Variants in VPS33A observed in about 807,000 individuals in gnomAD.
VPS33A encodes the protein vacuolar protein sorting-associated protein 33A.
Under a neutral mutation model 71.8 loss-of-function variants are expected in VPS33A, and 32 were observed. That is an observed-to-expected ratio of 0.45 (90% CI 0.34 to 0.60). The LOEUF (loss-of-function observed/expected upper bound fraction) is 0.60, where lower values mean the gene tolerates loss of function less well. VPS33A is among the 20% of genes least tolerant of loss of function. VPS33A has a pLI of 0.02. For missense variants in VPS33A, 625 were observed against 748.5 expected (o/e 0.84, Z 1.92); for synonymous variants, 311 against 292.7 (o/e 1.06, Z -0.64).
chr12:122,237,278 A>G (rs186189421), intron 10 of VPS33A, among the ~76,000 whole-genome samples: 91 of 152,296 alleles, frequency 6.0e-4, no homozygotes, highest in African/African-American at 1.7e-3. Context: ...CCTCCGTGGT[A>G]TAACTGCGGA....
intron 9 of VPS33A, among the ~76,000 whole-genome samples, chr12:122,239,099 A>G (rs962488253): frequency 2.0e-5 from 3 of 152,160 alleles, no homozygotes; most frequent in Non-Finnish European, 4.4e-5. Context: ...GCCTGTCTGG[A>G]CACGTCTGTC....
At chr12:122,250,729 G>A (rs1309922571) in intron 5 of VPS33A, among the ~76,000 whole-genome samples, 1 of 152,166 alleles carries the variant, frequency 6.6e-6, no homozygotes, top group Non-Finnish European at 1.5e-5. Flanking sequence ...ATGGGAAGGT[G>A]GAGTGTCAGC....
intron 4 of VPS33A, among the ~76,000 whole-genome samples, chr12:122,256,662 A>C (rs1255313808): frequency 1.3e-5 from 2 of 152,156 alleles, no homozygotes; most frequent in East Asian, 3.8e-4. Context: ...TAAATCAAAG[A>C]AACATGGGTA....
chr12:122,264,911 G>A (rs1298660879), intron 1 of VPS33A: 1 of 151,158 alleles, frequency 6.6e-6, no homozygotes, highest in Admixed American at 6.6e-5. Context: ...CTACAATATA[G>A]GTATTACAAA....
intron 4 of VPS33A, among the ~76,000 whole-genome samples, chr12:122,254,666 C>T (rs973703928): frequency 6.6e-6 from 1 of 152,176 alleles, no homozygotes; most frequent in East Asian, 1.9e-4. Flanking sequence ...CCACCTCAGC[C>T]TCCCAAAGTG....
intron 1 of VPS33A, chr12:122,265,623 G>A: frequency 2.6e-6 from 1 of 384,732 alleles, no homozygotes; most frequent in South Asian, 1.7e-5. Context: ...AAGGCTGCTA[G>A]CACCCACTTT....
intron 1 of VPS33A, chr12:122,264,824 T>C (rs1206139054): frequency 6.6e-6 from 1 of 152,220 alleles, no homozygotes; most frequent in African/African-American, 2.4e-5. Flanking sequence ...AAGAAGGAAT[T>C]TTAGTTGTTG....
Position 122,237,539 on chromosome 12 carries a change from T to C in VPS33A, c.1302+1048A>G, listed in dbSNP as rs902655133. Among the ~76,000 whole-genome samples, 358 of 144,570 alleles carry C rather than the reference T, an allele frequency of 2.5e-3. 2 individuals are homozygous for C. The highest frequency in any genetic ancestry group is 3.9e-3 in the Non-Finnish European group (258 of 66,578). The allele number at this position is 144,570 out of a possible 152,430, so 94.8% of individuals were successfully genotyped here. ...TGAATGCACATAAAGTTTTTCTTTT[T>C]TTTTTTTTTTTTTTTGAGACGGAGT... On this transcript the variant is annotated intron_variant, in intron 10 of 12. Coordinates refer to ENST00000267199, the MANE Select transcript of VPS33A (RefSeq NM_022916.6).
intron 12 of VPS33A, 53 bp from the exon 13 acceptor site, chr12:122,232,480 TC>T: frequency 6.7e-7 from 1 of 1,486,556 alleles, no homozygotes; most frequent in South Asian, 1.3e-5. Context: ...ATGCTTCTCT[TC>T]CCACCTCTTC....
At chr12:122,240,475 T>C (rs1954699427) in intron 8 of VPS33A, among the ~76,000 whole-genome samples, 1 of 152,202 alleles carries the variant, frequency 6.6e-6, no homozygotes, top group Non-Finnish European at 1.5e-5. Flanking sequence ...GTGCACTCTT[T>C]TGTATCCTTA....
At chr12:122,239,569 T>C (rs375854087) in intron 9 of VPS33A, among the ~76,000 whole-genome samples, 51 of 151,506 alleles carry the variant, frequency 3.4e-4, no homozygotes, top group Non-Finnish European at 5.6e-4. Flanking sequence ...CCCGTCTCTA[T>C]TAAAAATACA....
In VPS33A at chr12:122,235,931, G is replaced by T. The variant is rs1349963038; in HGVS notation, c.1303-8C>A. ...GTGCTCATAGCCGTATGTCTGCAAG[G>T]GAAGTCATTTGGCCTTGATGTCAGA... is the stretch of plus-strand genomic sequence containing the variant. On this transcript the variant is annotated splice_polypyrimidine_tract_variant and splice_region_variant and intron_variant, in intron 10 of 12. Coordinates refer to ENST00000267199, the MANE Select transcript of VPS33A (RefSeq NM_022916.6). The T allele has an allele frequency of 3.8e-6, 6 of 1,595,994 alleles. No individual in the cohort carries two copies. Among genetic ancestry groups the T allele is most frequent in the Non-Finnish European group, 4.3e-6 (5 of 1,172,642 alleles).
At position 122,251,057 on chromosome 12, in the gene VPS33A, C is replaced by A. The variant is rs1321338897; in HGVS notation, c.526G>T (p.Ala176Ser). ...EGDQTSLYHA[A>S]KGLMTLQALY... The stretch of plus-strand genomic sequence containing the variant: ...GCTTGCAGGGTCATCAGCCCCTTGG[C>A]TGCGTGGTACAGGCTCGTCTGGTCA... The change falls in exon 5 of 13, where the codon GCC becomes TCC. Residue 176 changes from alanine to serine, a missense_variant. Coordinates refer to ENST00000267199, the MANE Select transcript of VPS33A (RefSeq NM_022916.6). The A allele has an allele frequency of 6.2e-7, 1 of 1,614,206 alleles. No individual in the cohort carries two copies. Among genetic ancestry groups the A allele is most frequent in the African/African-American group, 1.3e-5 (1 of 75,056 alleles).
intron 4 of VPS33A, among the ~76,000 whole-genome samples, chr12:122,260,626 T>C (rs534351604): frequency 7.2e-5 from 11 of 152,300 alleles, no homozygotes; most frequent in African/African-American, 2.6e-4. Context: ...TAAATAAAGC[T>C]AATATTTTAA....
At chr12:122,263,841 A>G in intron 2 of VPS33A, 142 bp from the exon 3 acceptor site, 1 of 1,079,280 alleles carries the variant, frequency 9.3e-7, no homozygotes, top group East Asian at 2.6e-5. Context: ...AGCCAAATAC[A>G]TAAAGGACAA....
chr12:122,266,177 G>C, intron 1 of VPS33A, 130 bp downstream of exon 1: 8 of 1,362,094 alleles, frequency 5.9e-6, no homozygotes, highest in Non-Finnish European at 6.9e-6. Context: ...GCAGGTAAAA[G>C]GGCCCTGAGG....
intron 11 of VPS33A, among the ~76,000 whole-genome samples, chr12:122,233,914 T>C (rs1954597302): frequency 6.6e-6 from 1 of 152,148 alleles, no homozygotes; most frequent in South Asian, 2.1e-4. Flanking sequence ...CATGATAGAC[T>C]CTAGACATTA....
chr12:122,252,370 A>C (rs1592924232), intron 4 of VPS33A, among the ~76,000 whole-genome samples: 1 of 151,590 alleles, frequency 6.6e-6, no homozygotes, highest in Non-Finnish European at 1.5e-5. Context: ...CTGGGTTCAC[A>C]CCATTCTCCT....
intron 1 of VPS33A, among the ~76,000 whole-genome samples, chr12:122,264,479 C>A (rs773730628): frequency 1.3e-5 from 2 of 152,104 alleles, no homozygotes; most frequent in Non-Finnish European, 2.9e-5. Flanking sequence ...CAACCTCTGC[C>A]TCCAGGGTTC....
Sources: allele counts gnomAD v4.1 joint callset (sites outside exome capture counted in the v4.1 genomes callset), GRCh38; gene constraint gnomAD v4.1.1; transcripts MANE v1.5; gene names NCBI Gene and HGNC (gene_info 2026-07-23, HGNC 2026-07-21).